ACSM4: variants seen among roughly 807,000 people sequenced by gnomAD.
The protein encoded by ACSM4 is acyl-CoA synthetase medium chain family member 4, also known as acyl-coenzyme A synthetase ACSM4, mitochondrial.
A neutral mutation model predicts 73.0 loss-of-function variants in ACSM4; 66 were observed. The ratio of observed to expected loss-of-function variants is 0.90; its 90% CI spans 0.74 to 1.11. The LOEUF (loss-of-function observed/expected upper bound fraction) is 1.11. Among genes scored for constraint, ACSM4 ranks in the 50% least tolerant of loss-of-function variants. The pLI is 0.00. For synonymous variants in ACSM4, 222 were observed against 254.0 expected, an observed-to-expected ratio of 0.87 and a Z score of 1.20; for missense variants, 645 against 714.4, an observed-to-expected ratio of 0.90 and a Z score of 1.11.
chr12:7,317,269 C>A lies in ACSM4; in HGVS notation c.753C>A (p.Thr251=). Residue 251 remains threonine, a synonymous_variant, in exon 4 of 13, where the codon ACC becomes ACA. Transcript: ENST00000399422. The part of the protein sequence containing the change: ...HSQSSLGIGF[T]LCGRYWLDLK... ...AGAGCAGCCTCGGCATTGGGTTCAC[C>A]CTCTGCGGAAGGTAGGGAAGAAAAT... is the stretch of plus-strand genomic sequence containing the variant. The A allele has an allele frequency of 6.4e-7, 1 of 1,571,756 alleles. No homozygotes were observed. Among genetic ancestry groups the A allele is most frequent in the African/African-American group, 1.4e-5 (1 of 74,006 alleles).
intron 12 of ACSM4, among the ~76,000 whole-genome samples, chr12:7,327,357 T>C (rs1352332285): frequency 1.3e-5 from 2 of 152,176 alleles, no homozygotes; most frequent in African/African-American, 4.8e-5. Flanking sequence ...TCCCATTCTG[T>C]ATGAGAAAAA....
chr12:7,304,605 G>T, intron 1 of ACSM4, 73 bp downstream of exon 1: 1 of 1,485,678 alleles, frequency 6.7e-7, no homozygotes, highest in African/African-American at 1.4e-5. Context: ...CTTGTTCTGT[G>T]GTCTACCACT....
intron 11 of ACSM4, among the ~76,000 whole-genome samples, chr12:7,326,127 T>G (rs1946502770): frequency 6.6e-6 from 1 of 152,228 alleles, no homozygotes; most frequent in Non-Finnish European, 1.5e-5. Flanking sequence ...AAACAGCATT[T>G]CAAAGAGAAG....
chr12:7,326,978 G>A lies in ACSM4; in HGVS notation c.1539G>A (p.Val513=). The A allele has an allele frequency of 6.2e-7, 1 of 1,600,490 alleles. No individual in the cohort carries two copies. Among genetic ancestry groups the A allele is most frequent in the Non-Finnish European group, 8.5e-7 (1 of 1,175,472 alleles). Residue 513 remains valine (V), a splice_region_variant and synonymous_variant, in exon 12 of 13, where the codon GTG becomes GTA. Transcript: ENST00000399422. ...ATAAATTAACTTTTCTGTTGCAGGT[G>A]GTGAAAGCTTTTGTTGTCTTAGCTG... ...VSSPDQIRGE[V]VKAFVVLAAP...
intron 1 of ACSM4, among the ~76,000 whole-genome samples, chr12:7,306,260 G>A (rs1946361369): frequency 6.6e-6 from 1 of 152,090 alleles, no homozygotes; most frequent in African/African-American, 2.4e-5. Context: ...ATTTCTCTCA[G>A]AAAACCAAAA....
chr12:7,320,168 T>C (rs1946449312), intron 5 of ACSM4, among the ~76,000 whole-genome samples: 1 of 152,226 alleles, frequency 6.6e-6, no homozygotes, highest in Admixed American at 6.5e-5. Flanking sequence ...TCTCTAGATT[T>C]AAGATGCCTA....
rs1276177309 is a variant in ACSM4, at chr12:7,322,439, G to C, written c.1023G>C (p.Arg341=). The C allele has an allele frequency of 8.1e-6, 13 of 1,613,812 alleles. No individual in the cohort carries two copies. Among genetic ancestry groups the C allele is most frequent in the Non-Finnish European group, 1.1e-5 (13 of 1,179,814 alleles). The change falls in exon 7 of 13, where the codon CGG becomes CGC. Residue 341 remains arginine (R), a synonymous_variant. Transcript: ENST00000399422. ...CCAGATATAAATTCAAGAGTCTGCG[G>C]CACTGCTTGACCGGAGGGGAGCCAC... The part of the protein sequence containing the change: ...DLKRYKFKSL[R]HCLTGGEPLN...
Position 7,324,419 on chromosome 12 carries a change from C to T in ACSM4, c.1436+19C>T, listed in dbSNP as rs774248811. Reference sequence around the variant, plus strand: ...CCTCTGGGTTTGTATATTTGCCACTCTGAAGAGGTAACAATTCGACAGGGA... The same window carrying T: ...CCTCTGGGTTTGTATATTTGCCACTTTGAAGAGGTAACAATTCGACAGGGA... On this transcript the variant is annotated intron_variant, in intron 10 of 12. Transcript: ENST00000399422. 1.2e-6 allele frequency: 2 copies of T among 1,614,028 alleles called. No individual in the cohort carries two copies. Among genetic ancestry groups the T allele is most frequent in the South Asian group, 2.2e-5 (2 of 91,074 alleles).
intron 3 of ACSM4, 58 bp downstream of exon 3, chr12:7,310,804 T>C (rs2136329687): frequency 6.6e-7 from 1 of 1,505,030 alleles, no homozygotes; most frequent in East Asian, 2.4e-5. Flanking sequence ...TATAGCTATA[T>C]CTTGGAATCT....
intron 2 of ACSM4, among the ~76,000 whole-genome samples, chr12:7,309,698 C>G (rs1031493551): frequency 3.9e-5 from 6 of 152,038 alleles, no homozygotes; most frequent in Non-Finnish European, 8.8e-5. Context: ...CCACCATGCC[C>G]AACCAATAAT....
chr12:7,324,020 A>G (rs1278788084), intron 9 of ACSM4, among the ~76,000 whole-genome samples: 1 of 152,102 alleles, frequency 6.6e-6, no homozygotes, highest in East Asian at 1.9e-4. Flanking sequence ...CTACAAAAAC[A>G]TAATACGGTT....
chr12:7,320,913 C>G, intron 6 of ACSM4, 109 bp downstream of exon 6: 1 of 954,230 alleles, frequency 1.0e-6, no homozygotes, highest in South Asian at 1.4e-5. Context: ...GTCTTACCAC[C>G]ACTGACATTT....
At chr12:7,312,923 AC>A (rs1334683647) in intron 3 of ACSM4, among the ~76,000 whole-genome samples, 4 of 152,160 alleles carry the variant, frequency 2.6e-5, no homozygotes. Flanking sequence ...TTTTTAACAT[AC>A]CCCCAATACA....
In ACSM4 at chr12:7,324,550, A is replaced by G; in HGVS notation, c.1488A>G (p.Ala496=). 6.2e-7 allele frequency: 1 copy of G among 1,613,990 alleles called. No individual in the cohort carries two copies. The highest frequency in any genetic ancestry group is 8.5e-7 in the Non-Finnish European group (1 of 1,179,860). The change falls in exon 11 of 13, where the codon GCA becomes GCG. Residue 496 remains alanine, a synonymous_variant. Transcript: ENST00000399422. ...EVESALIEHP[A]VVESAVVSSP... ...AGAGTGCACTCATTGAGCATCCAGC[A>G]GTTGTTGAATCGGCTGTTGTCAGTA...
chr12:7,310,238 CACTT>C (rs1298311267), intron 2 of ACSM4, among the ~76,000 whole-genome samples: 2 of 152,178 alleles, frequency 1.3e-5, no homozygotes, highest in African/African-American at 4.8e-5. Flanking sequence ...TCTGCTCAGA[CACTT>C]ACTGTTGTTA....
At chr12:7,327,155 T>C in intron 12 of ACSM4, 60 bp downstream of exon 12, 1 of 1,491,674 alleles carries the variant, frequency 6.7e-7, no homozygotes, top group Non-Finnish European at 9.0e-7. Flanking sequence ...TAAGCTAGAA[T>C]TAGATTTTAC....
At position 7,324,574 on chromosome 12, in the gene ACSM4, T is replaced by C. The variant is rs1438304131; in HGVS notation, c.1512T>C (p.Ser504=). 1.2e-6 allele frequency: 2 copies of C among 1,613,852 alleles called. No homozygotes were observed. The highest frequency in any genetic ancestry group is 1.7e-6 in the Non-Finnish European group (2 of 1,179,860). ...CAGTTGTTGAATCGGCTGTTGTCAG[T>C]AGTCCAGATCAAATCCGCGGAGAGG... is the stretch of plus-strand genomic sequence containing the variant. The part of the protein sequence containing the change: ...HPAVVESAVV[S]SPDQIRGEVV... Residue 504 remains serine (S), a synonymous_variant, in exon 11 of 13, where the codon AGT becomes AGC. Transcript: ENST00000399422.
chr12:7,318,845 T>C (rs1347420933), intron 5 of ACSM4, among the ~76,000 whole-genome samples: 1 of 152,178 alleles, frequency 6.6e-6, no homozygotes, highest in East Asian at 1.9e-4. Context: ...TGTGTGTGAA[T>C]AAAAGCTCTT....
intron 3 of ACSM4, among the ~76,000 whole-genome samples, 187 bp from the exon 4 acceptor site, chr12:7,316,950 T>C (rs896939617): frequency 6.6e-6 from 1 of 152,214 alleles, no homozygotes; most frequent in Non-Finnish European, 1.5e-5. Flanking sequence ...CTGTTAAATC[T>C]TAGCACTGAC....
Sources: gnomAD v4.1 joint callset for allele counts (sites outside exome capture counted in the v4.1 genomes callset) on GRCh38, gnomAD v4.1.1 for gene constraint, MANE v1.5 for transcripts, NCBI Gene and HGNC (gene_info 2026-07-23, HGNC 2026-07-21) for gene names.